The following PTPRD variants were observed in gnomAD, a reference collection of about 807,000 sequenced individuals.
PTPRD encodes the protein protein tyrosine phosphatase receptor type D.
In PTPRD, 34 loss-of-function variants were observed where a neutral mutation model predicts 214.5. The observed-to-expected ratio is 0.16, with a 90% CI of 0.12 to 0.21. The LOEUF (loss-of-function observed/expected upper bound fraction) is 0.21. Ranked by LOEUF, PTPRD falls within the 10% of genes least tolerant of loss-of-function variation. The pLI, the probability that PTPRD is intolerant of heterozygous loss-of-function variation, is 1.00. For missense variants in PTPRD, 2,545 were observed against 2,398.7 expected (o/e 1.06, Z -1.27); for synonymous variants, 1,128 against 845.7 (o/e 1.33, Z -5.79).
intron 9 of PTPRD, among the ~76,000 whole-genome samples, chr9:9,188,849 G>A (rs916952860): frequency 6.6e-6 from 1 of 151,170 alleles, no homozygotes; most frequent in Non-Finnish European, 1.5e-5. Context: ...TGTGTTGTGT[G>A]CATGCATGTC....
chr9:8,647,424 A>G (rs1424484217), intron 12 of PTPRD, among the ~76,000 whole-genome samples: 2 of 152,194 alleles, frequency 1.3e-5, no homozygotes, highest in East Asian at 1.9e-4. Flanking sequence ...ATATCGTACC[A>G]TTATTTTGTA....
At chr9:8,624,395 A>C (rs1005981963) in intron 14 of PTPRD, among the ~76,000 whole-genome samples, 1 of 151,830 alleles carries the variant, frequency 6.6e-6, no homozygotes, top group East Asian at 1.9e-4. Flanking sequence ...GAAGACACAA[A>C]AACTTATTTT....
intron 9 of PTPRD, among the ~76,000 whole-genome samples, chr9:9,302,716 TC>T (rs1955858472): frequency 6.6e-6 from 1 of 151,276 alleles, no homozygotes; most frequent in East Asian, 2.0e-4. Context: ...TTTACTCAGC[TC>T]TGATATTACC....
At chr9:8,701,780 T>A (rs2098090102) in intron 12 of PTPRD, among the ~76,000 whole-genome samples, 1 of 152,202 alleles carries the variant, frequency 6.6e-6, no homozygotes, top group East Asian at 1.9e-4. Context: ...CTCTGATGTG[T>A]TTACCACAAT....
intron 6 of PTPRD, among the ~76,000 whole-genome samples, chr9:9,753,407 T>G (rs1227231298): frequency 6.6e-6 from 1 of 152,046 alleles, no homozygotes; most frequent in Non-Finnish European, 1.5e-5. Context: ...AGTGTTTCCA[T>G]TATACTTTGA....
intron 5 of PTPRD, among the ~76,000 whole-genome samples, chr9:9,772,816 C>T (rs1182046161): frequency 6.6e-6 from 1 of 152,126 alleles, no homozygotes; most frequent in African/African-American, 2.4e-5. Context: ...TACAAGCTTG[C>T]ATCAAAGTCT....
At chr9:10,424,864 C>T (rs577808257) in intron 2 of PTPRD, among the ~76,000 whole-genome samples, 2 of 151,968 alleles carry the variant, frequency 1.3e-5, no homozygotes, top group South Asian at 2.1e-4. Context: ...GGTTCTACTT[C>T]TCTAATAATC....
chr9:8,335,186 AC>A (rs1486015979), intron 43 of PTPRD, among the ~76,000 whole-genome samples: 8 of 151,864 alleles, frequency 5.3e-5, no homozygotes, highest in African/African-American at 1.7e-4. Flanking sequence ...CCTGGCAGAG[AC>A]ACAACAAAAA....
intron 8 of PTPRD, among the ~76,000 whole-genome samples, chr9:9,504,576 C>G (rs1460108382): frequency 5.9e-5 from 9 of 151,610 alleles, no homozygotes; most frequent in Non-Finnish European, 1.0e-4. Context: ...GAAAGCATTC[C>G]CTCTAAGATG....
chr9:10,467,955 C>A (rs938787333), intron 2 of PTPRD, among the ~76,000 whole-genome samples: 1 of 152,072 alleles, frequency 6.6e-6, no homozygotes, highest in African/African-American at 2.4e-5. Flanking sequence ...AATGGGATAC[C>A]ATCTGATGCC....
At chr9:9,612,190 T>C (rs1261733448) in intron 7 of PTPRD, among the ~76,000 whole-genome samples, 1 of 152,144 alleles carries the variant, frequency 6.6e-6, no homozygotes, top group African/African-American at 2.4e-5. Flanking sequence ...TGTGGAAAGA[T>C]GTTTCATTAT....
intron 2 of PTPRD, among the ~76,000 whole-genome samples, chr9:10,438,588 A>G (rs894892101): frequency 6.6e-6 from 1 of 151,606 alleles, no homozygotes; most frequent in African/African-American, 2.4e-5. Flanking sequence ...CCATTATTAT[A>G]ATAATTATTG....
intron 9 of PTPRD, among the ~76,000 whole-genome samples, chr9:9,318,597 T>C (rs1332825019): frequency 6.6e-6 from 1 of 152,190 alleles, no homozygotes; most frequent in East Asian, 1.9e-4. Context: ...CTGCAAACGA[T>C]TTCAAAGAAT....
intron 19 of PTPRD, among the ~76,000 whole-genome samples, chr9:8,522,293 C>A (rs1042951805): frequency 1.3e-5 from 2 of 151,926 alleles, no homozygotes; most frequent in Non-Finnish European, 2.9e-5. Context: ...CAGCAATGAC[C>A]GCAGAAGAAA....
At chr9:10,465,192 T>C (rs1484841762) in intron 2 of PTPRD, among the ~76,000 whole-genome samples, 1 of 152,192 alleles carries the variant, frequency 6.6e-6, no homozygotes, top group Non-Finnish European at 1.5e-5. Context: ...ATAATATTTA[T>C]GTAATTCAGC....
At chr9:8,857,114 A>G (rs966581688) in intron 11 of PTPRD, among the ~76,000 whole-genome samples, 1 of 152,156 alleles carries the variant, frequency 6.6e-6, no homozygotes, top group Non-Finnish European at 1.5e-5. Flanking sequence ...TCTCCCAAAC[A>G]ATCCCCCTCC....
intron 2 of PTPRD, among the ~76,000 whole-genome samples, chr9:10,578,812 G>T (rs1260764233): frequency 5.3e-5 from 8 of 152,116 alleles, no homozygotes; most frequent in Non-Finnish European, 1.2e-4. Flanking sequence ...GAGGTTTGGG[G>T]TACAAACAAT....
chr9:9,271,816 C>T (rs1943056657), intron 9 of PTPRD, among the ~76,000 whole-genome samples: 1 of 151,200 alleles, frequency 6.6e-6, no homozygotes, highest in African/African-American at 2.4e-5. Flanking sequence ...GTTACTTCTT[C>T]TATTATATTC....
At position 9,552,019 on chromosome 9, in the gene PTPRD, A is replaced by G. The variant is rs1033772247; in HGVS notation, c.-237+22713T>C. ...AATCCATAAGCAAAAGTATAAAGAC[A>G]CATAAGCCCAACTCTTTATCACCAT... is the stretch of plus-strand genomic sequence containing the variant. On this transcript the variant is annotated intron_variant, in intron 8 of 45. Coordinates refer to ENST00000381196, the MANE Select transcript of PTPRD (RefSeq NM_002839.4). Among the ~76,000 whole-genome samples the G allele has an allele frequency of 3.3e-5, 5 of 152,170 alleles. No homozygotes were observed. The South Asian group carries it at 1.0e-3, about 32-fold the overall frequency.
Sources: allele counts gnomAD v4.1 joint callset (sites outside exome capture counted in the v4.1 genomes callset), GRCh38; gene constraint gnomAD v4.1.1; transcripts MANE v1.5; gene names NCBI Gene and HGNC (gene_info 2026-07-23, HGNC 2026-07-21).